Variants in QSER1 observed in about 807,000 individuals in gnomAD.
QSER1 encodes glutamine and serine rich 1.
QSER1 carries 49 observed loss-of-function variants against 158.5 expected under a neutral mutation model. The ratio of observed to expected loss-of-function variants is 0.31; its 90% CI spans 0.25 to 0.39. The LOEUF (loss-of-function observed/expected upper bound fraction) is 0.39, where lower values mean the gene tolerates loss of function less well. Ranked by LOEUF, QSER1 falls within the 10% of genes least tolerant of loss-of-function variation. QSER1 has a pLI of 1.00. For synonymous variants in QSER1, 650 were observed against 715.5 expected (o/e 0.91, Z 1.46); for missense variants, 1,754 against 2,010.3 (o/e 0.87, Z 2.44).
rs767605844 is a variant in QSER1, at chr11:32,953,842, T to C, written c.4178-15T>C. 1.9e-6 allele frequency: 3 copies of C among 1,589,904 alleles called. No homozygotes were observed. Among genetic ancestry groups the C allele is most frequent in the Non-Finnish European group, 2.6e-6 (3 of 1,167,924 alleles). On this transcript the variant is annotated splice_polypyrimidine_tract_variant and intron_variant, in intron 4 of 12. Transcript: ENST00000650167. ...ATTTGTAATACTGATTTGCATTTGC[T>C]TGGTTTTGTTTCAGAAGCCCTACAG...
intron 1 of QSER1, among the ~76,000 whole-genome samples, chr11:32,909,307 T>A (rs139153457): frequency 6.6e-6 from 1 of 152,362 alleles, no homozygotes; most frequent in Non-Finnish European, 1.5e-5. Flanking sequence ...TCTCTAAAAT[T>A]GGGTTCAAGG....
intron 4 of QSER1, among the ~76,000 whole-genome samples, chr11:32,941,796 G>C (rs1279773793): frequency 6.6e-6 from 1 of 152,012 alleles, no homozygotes; most frequent in Admixed American, 6.6e-5. Context: ...AGATCCCTGA[G>C]CAATCGCCAC....
At chr11:32,917,028 C>A (rs1851840618) in intron 1 of QSER1, among the ~76,000 whole-genome samples, 1 of 152,216 alleles carries the variant, frequency 6.6e-6, no homozygotes, top group East Asian at 1.9e-4. Flanking sequence ...CTCAGGTGAT[C>A]CACCCACCTC....
chr11:32,917,689 G>A (rs1210139413), intron 1 of QSER1, among the ~76,000 whole-genome samples: 1 of 151,938 alleles, frequency 6.6e-6, no homozygotes, highest in African/African-American at 2.4e-5. Flanking sequence ...AACTGGGCGT[G>A]GTGGCACCGG....
intron 8 of QSER1, among the ~76,000 whole-genome samples, chr11:32,962,353 C>T (rs1281440373): frequency 6.6e-6 from 1 of 152,086 alleles, no homozygotes; most frequent in Non-Finnish European, 1.5e-5. Flanking sequence ...CCATTTTAAA[C>T]TGGGTTATTT....
In QSER1 at chr11:32,932,038, T is replaced by C. The variant is rs766717922; in HGVS notation, c.780T>C (p.Ser260=). Reference sequence around the variant, plus strand: ...TAAGTAACAGCATACCACCTCAGTCTTCAACATACCGCTCAGCTCAAGAGT... The same window carrying C: ...TAAGTAACAGCATACCACCTCAGTCCTCAACATACCGCTCAGCTCAAGAGT... ...SVLSNSIPPQ[S]STYRSAQESA... The change falls in exon 4 of 13, where the codon TCT becomes TCC. Residue 260 remains serine (S), a synonymous_variant. Coordinates refer to ENST00000650167, the MANE Select transcript of QSER1 (RefSeq NM_001076786.3). The C allele has an allele frequency of 9.0e-5, 146 of 1,614,126 alleles. No homozygotes were observed. Among genetic ancestry groups the C allele is most frequent in the Middle Eastern group, 3.3e-4 (2 of 6,084 alleles).
Position 32,933,373 on chromosome 11 carries a change from A to ATC in QSER1, c.2119_2120dup (p.Glu708LeufsTer33). 1 of 1,613,670 alleles carries ATC rather than the reference A, an allele frequency of 6.2e-7. No homozygotes were observed. The highest frequency in any genetic ancestry group is 8.5e-7 in the Non-Finnish European group (1 of 1,179,902). ...AGTTACAGGTGTTGCAGCCACAAGC[A>ATC]TCTCTTGAGTCATCAACCCAAAGGC... On this transcript the variant is annotated frameshift_variant, in exon 4 of 13. Transcript: ENST00000650167. LOFTEE classifies it high-confidence loss of function.
At chr11:32,974,017 T>C (rs1161062969) in intron 11 of QSER1, among the ~76,000 whole-genome samples, 1 of 152,250 alleles carries the variant, frequency 6.6e-6, no homozygotes, top group Non-Finnish European at 1.5e-5. Flanking sequence ...GAAATGTTTA[T>C]TTCATATCTG....
At chr11:32,954,845 T>G (rs926589395) in intron 5 of QSER1, among the ~76,000 whole-genome samples, 1 of 152,200 alleles carries the variant, frequency 6.6e-6, no homozygotes, top group African/African-American at 2.4e-5. Context: ...ACAGCCACTT[T>G]TGCCTTTTTA....
At chr11:32,943,846 C>T (rs1395658727) in intron 4 of QSER1, among the ~76,000 whole-genome samples, 2 of 152,128 alleles carry the variant, frequency 1.3e-5, no homozygotes, top group Admixed American at 6.5e-5. Flanking sequence ...TAGAATTCGG[C>T]TGTGAATCCA....
intron 1 of QSER1, among the ~76,000 whole-genome samples, chr11:32,896,933 G>A (rs554348379): frequency 9.9e-5 from 15 of 152,270 alleles, no homozygotes; most frequent in African/African-American, 2.9e-4. Flanking sequence ...TTTGTAAGGC[G>A]TAAGAACAAT....
rs753186323 is a variant in QSER1 at position 32,932,443 on chromosome 11, T to A, written c.1185T>A (p.Ser395=). Reference sequence around the variant, plus strand: ...TGGAACTTGCTCAGTCTTACTCATCTGCGATTCCATCATCAGGGTATCCTC... The same window carrying A: ...TGGAACTTGCTCAGTCTTACTCATCAGCGATTCCATCATCAGGGTATCCTC... ...VSVELAQSYS[S]AIPSSGYPPS... is the part of the protein sequence containing the mutation. The change falls in exon 4 of 13, where the codon TCT becomes TCA. Residue 395 remains serine (S), a synonymous_variant. Transcript: ENST00000650167. The A allele has an allele frequency of 6.2e-7, 1 of 1,613,408 alleles. No homozygotes were observed. Among genetic ancestry groups the A allele is most frequent in the Non-Finnish European group, 8.5e-7 (1 of 1,179,980 alleles).
At position 32,928,109 on chromosome 11, in the gene QSER1, C is replaced by T; in HGVS notation, c.470C>T (p.Pro157Leu). The T allele has an allele frequency of 6.2e-7, 1 of 1,609,386 alleles. No individual in the cohort carries two copies. Residue 157 changes from proline to leucine, a missense_variant, in exon 3 of 13, where the codon CCA becomes CTA. Pro to Leu is a moderately conservative substitution (Grantham distance 98). Coordinates refer to ENST00000650167, the MANE Select transcript of QSER1 (RefSeq NM_001076786.3). ...ACTCTCTTACCACAATTCAGGGCTC[C>T]ATCCTGGCAGACAGGTGATTTTCTG... ...GTTLLPQFRA[P>L]SWQTGMHSSA...
chr11:32,928,213 T>C, intron 3 of QSER1, 90 bp downstream of exon 3: 1 of 769,366 alleles, frequency 1.3e-6, no homozygotes. Context: ...GCTGGGAGTT[T>C]TGTTACAATA....
intron 11 of QSER1, among the ~76,000 whole-genome samples, chr11:32,974,919 A>G (rs2133617509): frequency 6.6e-6 from 1 of 152,284 alleles, no homozygotes; most frequent in African/African-American, 2.4e-5. Flanking sequence ...AATATATAAC[A>G]TGCCATTAGC....
chr11:32,911,876 CATTT>C (rs1338745446), intron 1 of QSER1, among the ~76,000 whole-genome samples: 1 of 152,148 alleles, frequency 6.6e-6, no homozygotes, highest in African/African-American at 2.4e-5. Flanking sequence ...TATTGTTACT[CATTT>C]ATTTCTGTGA....
intron 5 of QSER1, 77 bp downstream of exon 5, chr11:32,954,256 A>G: frequency 6.7e-7 from 1 of 1,489,440 alleles, no homozygotes; most frequent in Non-Finnish European, 9.0e-7. Flanking sequence ...TGACTTCAAT[A>G]GCATGCATCT....
At chr11:32,921,906 A>T (rs1018070121) in intron 1 of QSER1, among the ~76,000 whole-genome samples, 47 of 152,330 alleles carry the variant, frequency 3.1e-4, no homozygotes, top group African/African-American at 1.1e-3. Context: ...ATATGAACAG[A>T]CATTGGTCAG....
At chr11:32,975,557 G>T in intron 12 of QSER1, 1 of 1,390,596 alleles carries the variant, frequency 7.2e-7, no homozygotes, top group Non-Finnish European at 9.4e-7. Flanking sequence ...CCTCTTGTAG[G>T]AGCTATAATT....
Sources: allele counts gnomAD v4.1 joint callset (sites outside exome capture counted in the v4.1 genomes callset), GRCh38; gene constraint gnomAD v4.1.1; transcripts MANE v1.5; gene names NCBI Gene and HGNC (gene_info 2026-07-23, HGNC 2026-07-21).